ADAMTS9: variants seen among roughly 807,000 people sequenced by gnomAD.
ADAMTS9 encodes ADAM metallopeptidase with thrombospondin type 1 motif 9.
Under a neutral mutation model 257.1 loss-of-function variants are expected in ADAMTS9, and 107 were observed. That is an observed-to-expected ratio of 0.42 (90% CI 0.36 to 0.49). ADAMTS9 has a LOEUF of 0.49. Among genes scored for constraint, ADAMTS9 ranks in the 20% least tolerant of loss-of-function variants. ADAMTS9 has a pLI of 0.03. For synonymous variants in ADAMTS9, 982 were observed against 880.9 expected (o/e 1.11, Z -2.03); for missense variants, 2,353 against 2,469.1 (o/e 0.95, Z 1.00).
chr3:64,655,821 C>T lies in ADAMTS9; in HGVS notation c.1024G>A (p.Val342Met), dbSNP rs780443754. 1.9e-6 allele frequency: 3 copies of T among 1,573,096 alleles called. No individual in the cohort carries two copies. The highest frequency in any genetic ancestry group is 2.0e-5 in the Admixed American group (1 of 49,212). The part of the protein sequence containing the change: ...SIGNLINIVI[V>M]NLIVIHNEQD... Reference sequence around the variant, plus strand: ...TCATTATGAATCACAATTAAGTTCACAATAACAATATTAATTAAATTTCCA... The same window carrying T: ...TCATTATGAATCACAATTAAGTTCATAATAACAATATTAATTAAATTTCCA... The change falls in exon 5 of 40, where the codon GTG (valine) becomes ATG (methionine). Residue 342 changes from valine to methionine, a missense_variant. Val to Met is a conservative substitution (Grantham distance 21). Transcript: ENST00000498707.
rs1337539834 is a variant in ADAMTS9, at chr3:64,612,053, A to G, written c.3354+1292T>C. 2.0e-5 allele frequency among the ~76,000 whole-genome samples: 3 copies of G among 152,350 alleles called. No individual in the cohort carries two copies. The East Asian group carries it at 5.8e-4, about 29-fold the overall frequency. ...GAAGCAAATCATAAACATGTTAGCA[A>G]CAACTAATTTCTTCAGTGTAGAGGT... On this transcript the variant is annotated intron_variant, in intron 22 of 39. Coordinates refer to ENST00000498707, the MANE Select transcript of ADAMTS9 (RefSeq NM_182920.2).
chr3:64,613,642 T>C, intron 21 of ADAMTS9, 133 bp from the exon 22 acceptor site: 1 of 816,190 alleles, frequency 1.2e-6, no homozygotes, highest in African/African-American at 1.8e-5. Context: ...AATTTGTAAA[T>C]ATACTAAGCC....
chr3:64,568,279 AC>A (rs1257819011), intron 29 of ADAMTS9, 88 bp downstream of exon 29: 23 of 1,461,648 alleles, frequency 1.6e-5, no homozygotes, highest in Admixed American at 7.2e-5. Flanking sequence ...TAAAACCAAA[AC>A]CGTGCATAGA....
At chr3:64,541,268 C>G (rs766581898) in intron 35 of ADAMTS9, 40 bp from the exon 36 acceptor site, 17 of 1,613,902 alleles carry the variant, frequency 1.1e-5, no homozygotes, top group Non-Finnish European at 3.4e-6. Flanking sequence ...GATGGGAAAG[C>G]ATTTCCAGGG....
chr3:64,518,260 G>C (rs1482213009), intron 39 of ADAMTS9, among the ~76,000 whole-genome samples: 1 of 152,130 alleles, frequency 6.6e-6, no homozygotes, highest in African/African-American at 2.4e-5. Context: ...AGTTTCTTAA[G>C]ATAACAAATT....
Position 64,516,264 on chromosome 3 carries a change from A to G in ADAMTS9, c.*863T>C, listed in dbSNP as rs9868992. 117 of 152,674 alleles carry G rather than the reference A, an allele frequency of 7.7e-4. 1 individual carries two copies. Among genetic ancestry groups the G allele is most frequent in the African/African-American group, 2.7e-3 (111 of 41,554 alleles). The allele number at this position is 152,674 out of a possible 1,614,324, so 9.5% of individuals were successfully genotyped here. A position where few individuals can be genotyped will look rare whatever the true frequency, so the allele number is the denominator to read the frequency against. ...ATGGTGAGAGGATCTCACTTTCCCA[A>G]TATCACTCTGTAATGAAGCTGCTTG... On this transcript the variant is annotated 3_prime_UTR_variant, in exon 40 of 40. Transcript: ENST00000498707.
At chr3:64,579,622 G>C (rs1041005806) in intron 28 of ADAMTS9, among the ~76,000 whole-genome samples, 1 of 151,878 alleles carries the variant, frequency 6.6e-6, no homozygotes, top group African/African-American at 2.4e-5. Flanking sequence ...ATGGTACCTG[G>C]TTTATAAAAA....
intron 28 of ADAMTS9, among the ~76,000 whole-genome samples, chr3:64,584,475 CTTT>C (rs905342040): frequency 5.9e-5 from 9 of 151,998 alleles, no homozygotes; most frequent in Non-Finnish European, 1.0e-4. Flanking sequence ...ACCCCACTCC[CTTT>C]TTTATCACAT....
At chr3:64,591,683 T>C (rs918450011) in intron 28 of ADAMTS9, among the ~76,000 whole-genome samples, 2 of 152,158 alleles carry the variant, frequency 1.3e-5, no homozygotes, top group African/African-American at 4.8e-5. Flanking sequence ...TTGGGGTTTC[T>C]TTCCTAAATA....
At chr3:64,662,960 A>G (rs1701260806) in intron 3 of ADAMTS9, among the ~76,000 whole-genome samples, 1 of 152,140 alleles carries the variant, frequency 6.6e-6, no homozygotes. Context: ...GCCGATGTGT[A>G]TGAGGTGTAT....
At chr3:64,647,866 G>T in intron 11 of ADAMTS9, 74 bp downstream of exon 11, 1 of 1,277,068 alleles carries the variant, frequency 7.8e-7, no homozygotes, top group Non-Finnish European at 1.1e-6. Context: ...TCTAAACATC[G>T]GTGTCTGATC....
chr3:64,521,743 T>C (rs1252823990), intron 39 of ADAMTS9: 1 of 153,514 alleles, frequency 6.5e-6, no homozygotes, highest in Admixed American at 6.5e-5. Context: ...GAATACTGGG[T>C]ACACATGGAC....
At position 64,616,160 on chromosome 3, in the gene ADAMTS9, C is replaced by T. The variant is rs777760225; in HGVS notation, c.2824G>A (p.Ala942Thr). ...TGGGCACTACATTCACTCCTGCTGG[C>T]AACATGCCACCTATGCAAAAATAAT... ...GTDCDLRWHV[A>T]SRSECSAQCG... Residue 942 changes from alanine (A) to threonine (T), a missense_variant, in exon 20 of 40, where the codon GCC (alanine) becomes ACC (threonine). Physicochemically the swap from Ala to Thr is moderately conservative, Grantham distance 58. This residue lies in a region of ADAMTS9 where 1,402 missense variants were observed against 1,441.4 expected (regional missense o/e 0.97). Coordinates refer to ENST00000498707, the MANE Select transcript of ADAMTS9 (RefSeq NM_182920.2). 3.7e-6 allele frequency: 6 copies of T among 1,613,914 alleles called. No individual in the cohort carries two copies. The African/African-American group carries it at 6.7e-5, about 18-fold the overall frequency.
intron 22 of ADAMTS9, among the ~76,000 whole-genome samples, chr3:64,609,150 C>A (rs1416598153): frequency 3.9e-5 from 6 of 151,914 alleles, no homozygotes; most frequent in Admixed American, 3.3e-4. Flanking sequence ...AGGAAAAAAA[C>A]CCACAGCTAA....
intron 28 of ADAMTS9, among the ~76,000 whole-genome samples, chr3:64,593,143 G>C (rs80199750): frequency 0.021 from 3,190 of 152,258 alleles, 46 homozygotes; most frequent in Non-Finnish European, 0.035. Context: ...CAGCTAAATA[G>C]TACCAGTGGA....
Position 64,594,451 on chromosome 3 carries a change from G to T in ADAMTS9, c.4180-17C>A. On this transcript the variant is annotated splice_polypyrimidine_tract_variant and intron_variant, in intron 27 of 39. Transcript: ENST00000498707. ...CTTAGTGCACTGGAAGAAGGAAAAG[G>T]AAGGCTGCAGTTATTTTGTCTGAAA... 6.2e-7 allele frequency: 1 copy of T among 1,602,900 alleles called. No individual in the cohort carries two copies. The highest frequency in any genetic ancestry group is 8.5e-7 in the Non-Finnish European group (1 of 1,174,842).
intron 2 of ADAMTS9, among the ~76,000 whole-genome samples, chr3:64,682,206 G>A (rs754507600): frequency 6.6e-6 from 1 of 152,296 alleles, no homozygotes; most frequent in South Asian, 2.1e-4. Context: ...CTCTGTTTAA[G>A]CTTCCTTGTT....
chr3:64,667,626 G>T (rs1346805419), intron 3 of ADAMTS9, among the ~76,000 whole-genome samples: 2 of 152,132 alleles, frequency 1.3e-5, no homozygotes, highest in African/African-American at 2.4e-5. Flanking sequence ...GCTGACTTGG[G>T]CATGAGAGCT....
At chr3:64,652,211 A>T (rs193122336) in intron 8 of ADAMTS9, among the ~76,000 whole-genome samples, 38 of 152,358 alleles carry the variant, frequency 2.5e-4, no homozygotes, top group Admixed American at 2.2e-3. Flanking sequence ...AGACAGAAGC[A>T]CATAGACTTG....
Sources: allele counts gnomAD v4.1 joint callset (sites outside exome capture counted in the v4.1 genomes callset), GRCh38; gene constraint gnomAD v4.1.1; regional missense constraint gnomAD v4.1.1; transcripts MANE v1.5; gene names NCBI Gene and HGNC (gene_info 2026-07-23, HGNC 2026-07-21).